Variants in LDLRAD3 observed in about 807,000 individuals in gnomAD.
The protein encoded by LDLRAD3 is low density lipoprotein receptor class A domain containing 3.
In LDLRAD3, 20 loss-of-function variants were observed where a neutral mutation model predicts 29.4. The ratio of observed to expected loss-of-function variants is 0.68; its 90% CI spans 0.48 to 0.99. LDLRAD3 has a LOEUF of 0.99. Among genes scored for constraint, LDLRAD3 ranks in the 50% least tolerant of loss-of-function variants. The pLI is 0.00. For missense variants in LDLRAD3, 420 were observed against 454.3 expected (o/e 0.92, Z 0.69); for synonymous variants, 157 against 192.7 (o/e 0.81, Z 1.53).
rs142075729 is a variant in LDLRAD3, at chr11:36,062,597, G to A, written c.194-19056G>A. On this transcript the variant is annotated intron_variant, in intron 2 of 5. Transcript: ENST00000315571. The stretch of plus-strand genomic sequence containing the variant: ...GAATTGTAGTTCCCATAATCCCCAC[G>A]TCATGGGAGGGACCTGGTGGGAAGT... Among the ~76,000 whole-genome samples the A allele has an allele frequency of 3.6e-4, 55 of 152,268 alleles. 1 individual carries two copies. In the East Asian group the frequency reaches 7.5e-3, roughly 21 times the overall value.
chr11:36,134,724 C>T (rs78003858), intron 4 of LDLRAD3, among the ~76,000 whole-genome samples: 270 of 152,298 alleles, frequency 1.8e-3, no homozygotes, highest in African/African-American at 6.0e-3. Context: ...CATTCATTCC[C>T]TCTTGGGCTC....
chr11:36,100,285 T>C (rs547266109), intron 4 of LDLRAD3, among the ~76,000 whole-genome samples: 2 of 152,316 alleles, frequency 1.3e-5, no homozygotes, highest in South Asian at 4.1e-4. Flanking sequence ...ACGCAACGTA[T>C]TGCTGGCCTT....
chr11:36,047,075 A>C (rs1565183843), intron 2 of LDLRAD3, among the ~76,000 whole-genome samples: 1 of 152,096 alleles, frequency 6.6e-6, no homozygotes. Context: ...CTGTGGACTA[A>C]GCACACAGTG....
chr11:36,173,749 A>C (rs1396787497), intron 4 of LDLRAD3, among the ~76,000 whole-genome samples: 1 of 152,146 alleles, frequency 6.6e-6, no homozygotes, highest in African/African-American at 2.4e-5. Context: ...CTAGATCTAG[A>C]TCTTTGAGAA....
intron 4 of LDLRAD3, among the ~76,000 whole-genome samples, chr11:36,190,621 C>A (rs1056971292): frequency 2.6e-5 from 4 of 151,882 alleles, no homozygotes; most frequent in Admixed American, 1.3e-4. Context: ...GATATATATC[C>A]AAATCGTAGG....
At chr11:36,138,267 G>T (rs1854031081) in intron 4 of LDLRAD3, among the ~76,000 whole-genome samples, 1 of 152,264 alleles carries the variant, frequency 6.6e-6, no homozygotes, top group Non-Finnish European at 1.5e-5. Flanking sequence ...ATTGCTAATA[G>T]TACCTACTTC....
intron 4 of LDLRAD3, among the ~76,000 whole-genome samples, chr11:36,209,331 T>C (rs1345161903): frequency 2.0e-5 from 3 of 149,532 alleles, no homozygotes; most frequent in Non-Finnish European, 4.4e-5. Flanking sequence ...GGAACCTAGA[T>C]GAAGGATTTG....
intron 4 of LDLRAD3, among the ~76,000 whole-genome samples, chr11:36,192,162 CAT>C (rs1445294067): frequency 1.3e-5 from 2 of 152,278 alleles, no homozygotes; most frequent in African/African-American, 2.4e-5. Flanking sequence ...ATTGTGTGCA[CAT>C]GTTACTTTGA....
At chr11:36,113,734 C>T (rs1048843192) in intron 4 of LDLRAD3, among the ~76,000 whole-genome samples, 12 of 148,804 alleles carry the variant, frequency 8.1e-5, no homozygotes, top group African/African-American at 3.0e-4. Flanking sequence ...AGTTCAGCAG[C>T]ATGATCTCAG....
intron 4 of LDLRAD3, among the ~76,000 whole-genome samples, chr11:36,212,148 A>C (rs1471440454): frequency 6.6e-6 from 1 of 152,184 alleles, no homozygotes; most frequent in Non-Finnish European, 1.5e-5. Flanking sequence ...GGAGCAGCCC[A>C]GGATATCATA....
chr11:36,098,549 C>G, intron 4 of LDLRAD3, 88 bp downstream of exon 4: 1 of 1,468,438 alleles, frequency 6.8e-7, no homozygotes, highest in African/African-American at 1.4e-5. Flanking sequence ...AACACCCATT[C>G]CCATTCCAAA....
intron 4 of LDLRAD3, among the ~76,000 whole-genome samples, chr11:36,118,755 G>T (rs998423913): frequency 2.0e-4 from 31 of 152,038 alleles, no homozygotes; most frequent in African/African-American, 7.2e-4. Flanking sequence ...CACATAGTTA[G>T]ACAGCCATCC....
At chr11:36,029,650 A>G (rs1455563679) in intron 1 of LDLRAD3, among the ~76,000 whole-genome samples, 2 of 152,230 alleles carry the variant, frequency 1.3e-5, no homozygotes, top group African/African-American at 2.4e-5. Flanking sequence ...GCACGAAAAT[A>G]ATTCATAAAA....
intron 3 of LDLRAD3, among the ~76,000 whole-genome samples, chr11:36,082,824 C>T (rs1853135688): frequency 6.6e-6 from 1 of 152,172 alleles, no homozygotes; most frequent in Non-Finnish European, 1.5e-5. Flanking sequence ...GACCTTCAAG[C>T]CTCTCTTCTT....
chr11:36,226,053 C>A (rs1436935657), intron 4 of LDLRAD3, among the ~76,000 whole-genome samples: 1 of 147,524 alleles, frequency 6.8e-6, no homozygotes, highest in African/African-American at 2.5e-5. Flanking sequence ...GGTGACAGAG[C>A]GAGACCCTGT....
intron 1 of LDLRAD3, among the ~76,000 whole-genome samples, chr11:35,975,212 T>G (rs1851460952): frequency 6.6e-6 from 1 of 152,200 alleles, no homozygotes; most frequent in South Asian, 2.1e-4. Flanking sequence ...TTCCATACAT[T>G]TGGCCCCGAA....
At chr11:36,191,377 AAAAAT>A (rs1854939329) in intron 4 of LDLRAD3, among the ~76,000 whole-genome samples, 1 of 151,938 alleles carries the variant, frequency 6.6e-6, no homozygotes, top group Non-Finnish European at 1.5e-5. Context: ...ATATCTACAG[AAAAAT>A]TAAAAATTAT....
At chr11:36,101,341 C>T (rs973864524) in intron 4 of LDLRAD3, among the ~76,000 whole-genome samples, 2 of 152,198 alleles carry the variant, frequency 1.3e-5, no homozygotes, top group Admixed American at 1.3e-4. Context: ...GTGCTCTGTA[C>T]ATAGTGGATT....
Position 36,098,596 on chromosome 11 carries a change from A to C in LDLRAD3, c.454+135A>C, listed in dbSNP as rs1590265632. Reference sequence around the variant, plus strand: ...TGTTAGTTTTTGCACTCAGCCTTGCAGCCCTTGTACAGGTAGGTACCCGTG... The same window carrying C: ...TGTTAGTTTTTGCACTCAGCCTTGCCGCCCTTGTACAGGTAGGTACCCGTG... On this transcript the variant is annotated intron_variant, in intron 4 of 5. Coordinates refer to ENST00000315571, the MANE Select transcript of LDLRAD3 (RefSeq NM_174902.4). The C allele has an allele frequency of 1.2e-5, 12 of 1,013,086 alleles. No individual in the cohort carries two copies. The East Asian group carries it at 2.6e-4, about 22-fold the overall frequency. The allele number at this position is 1,013,086 out of a possible 1,614,324, so 62.8% of individuals were successfully genotyped here.
Sources: allele counts gnomAD v4.1 joint callset (sites outside exome capture counted in the v4.1 genomes callset), GRCh38; gene constraint gnomAD v4.1.1; transcripts MANE v1.5; gene names NCBI Gene and HGNC (gene_info 2026-07-23, HGNC 2026-07-21).